The following PEAK1 variants were observed in gnomAD, a reference collection of about 807,000 sequenced individuals.
PEAK1 encodes the protein inactive tyrosine-protein kinase PEAK1.
PEAK1 carries 54 observed loss-of-function variants against 124.7 expected under a neutral mutation model. That is an observed-to-expected ratio of 0.43 (90% confidence interval 0.35 to 0.54). The LOEUF is 0.54. Ranked by LOEUF, PEAK1 falls within the 20% of genes least tolerant of loss-of-function variation. The pLI is 0.01. For synonymous variants in PEAK1, 719 were observed against 760.0 expected (o/e 0.95, Z 0.89); for missense variants, 2,046 against 2,134.5 (o/e 0.96, Z 0.82).
chr15:77,180,893 T>C lies in PEAK1; in HGVS notation c.1034A>G (p.Asp345Gly), dbSNP rs374533055. The C allele has an allele frequency of 7.9e-5, 127 of 1,613,948 alleles. No homozygotes were observed. The highest frequency in any genetic ancestry group is 1.1e-4 in the Non-Finnish European group (125 of 1,180,006). The change falls in exon 7 of 10, where the codon GAT (aspartate) becomes GGT (glycine). Residue 345 changes from aspartate (D) to glycine (G), a missense_variant. Physicochemically the swap from Asp to Gly is moderately conservative, Grantham distance 94 (BLOSUM62 -1). Coordinates refer to ENST00000682557, the MANE Select transcript of PEAK1 (RefSeq NM_001385026.1). ...SMVSSDSTSP[D>G]SSLTEESRSE... ...ACGTGATTCTTCTGTTAAAGAAGAA[T>C]CTGGTGATGTGGAGTCAGATGACAC...
intron 1 of PEAK1, among the ~76,000 whole-genome samples, chr15:77,419,783 C>G (rs984318450): frequency 1.3e-5 from 2 of 148,590 alleles, no homozygotes; most frequent in South Asian, 4.2e-4. Context: ...ACCGGCGGGG[C>G]GCGGGGGTGG....
intron 6 of PEAK1, among the ~76,000 whole-genome samples, chr15:77,183,858 C>T (rs1338356870): frequency 6.6e-6 from 1 of 152,048 alleles, no homozygotes; most frequent in Non-Finnish European, 1.5e-5. Context: ...GACAGGATCT[C>T]ACTCTGTCAC....
At chr15:77,197,889 C>T (rs2058184699) in intron 6 of PEAK1, among the ~76,000 whole-genome samples, 1 of 151,732 alleles carries the variant, frequency 6.6e-6, no homozygotes, top group African/African-American at 2.4e-5. Context: ...TGATTTGTGA[C>T]AATTTGATAA....
At chr15:77,337,560 C>T (rs1410872498) in intron 2 of PEAK1, 3 of 984,872 alleles carry the variant, frequency 3.0e-6, no homozygotes, top group Middle Eastern at 5.2e-4. Flanking sequence ...GGCAGAGATT[C>T]CACACCAACA....
intron 6 of PEAK1, among the ~76,000 whole-genome samples, chr15:77,206,603 T>C (rs914783003): frequency 4.1e-4 from 62 of 151,912 alleles, no homozygotes; most frequent in African/African-American, 1.2e-3. Context: ...TTTCATGTGT[T>C]TTTTGGCTGC....
At chr15:77,249,437 C>T (rs2060742951) in intron 6 of PEAK1, among the ~76,000 whole-genome samples, 1 of 152,136 alleles carries the variant, frequency 6.6e-6, no homozygotes, top group Non-Finnish European at 1.5e-5. Context: ...TGATAGTTCA[C>T]ACCATTAAAA....
At chr15:77,407,035 T>C (rs1267676003) in intron 1 of PEAK1, among the ~76,000 whole-genome samples, 1 of 152,128 alleles carries the variant, frequency 6.6e-6, no homozygotes, top group African/African-American at 2.4e-5. Context: ...GGATACCCTA[T>C]TCAACAAATG....
chr15:77,342,456 G>C (rs2066605749), intron 2 of PEAK1, among the ~76,000 whole-genome samples: 1 of 147,856 alleles, frequency 6.8e-6, no homozygotes, highest in African/African-American at 2.5e-5. Context: ...ACCTAGGCTG[G>C]AATGCAGTGA....
chr15:77,394,994 T>C (rs928486781), intron 1 of PEAK1, among the ~76,000 whole-genome samples: 1 of 152,166 alleles, frequency 6.6e-6, no homozygotes, highest in Admixed American at 6.5e-5. Context: ...TATGTACCCA[T>C]AAAAATTAAG....
chr15:77,243,537 T>C (rs1434151862), intron 6 of PEAK1, among the ~76,000 whole-genome samples: 1 of 152,220 alleles, frequency 6.6e-6, no homozygotes, highest in African/African-American at 2.4e-5. Flanking sequence ...GTTATTTTTA[T>C]GGAAAAACAA....
At chr15:77,403,807 T>C in intron 1 of PEAK1, 1 of 981,046 alleles carries the variant, frequency 1.0e-6, no homozygotes, top group Non-Finnish European at 1.2e-6. Context: ...AAAAAAAGCT[T>C]ATTCAATTCT....
At chr15:77,396,657 A>G (rs2070911339) in intron 1 of PEAK1, among the ~76,000 whole-genome samples, 2 of 152,174 alleles carry the variant, frequency 1.3e-5, no homozygotes, top group Non-Finnish European at 2.9e-5. Context: ...ATAGATTTCA[A>G]GACAAAAACT....
intron 1 of PEAK1, among the ~76,000 whole-genome samples, chr15:77,396,729 T>C (rs2070917925): frequency 6.6e-6 from 1 of 152,056 alleles, no homozygotes; most frequent in Non-Finnish European, 1.5e-5. Context: ...GATATAACAA[T>C]TGCAAATATA....
intron 1 of PEAK1, among the ~76,000 whole-genome samples, chr15:77,396,407 GTTAC>G (rs1038459375): frequency 1.4e-4 from 21 of 151,918 alleles, no homozygotes; most frequent in Non-Finnish European, 2.5e-4. Flanking sequence ...GTAGAAGTAA[GTTAC>G]TTACTTATCA....
intron 1 of PEAK1, among the ~76,000 whole-genome samples, chr15:77,379,895 C>T (rs1193726670): frequency 6.6e-6 from 1 of 152,126 alleles, no homozygotes; most frequent in African/African-American, 2.4e-5. Context: ...TGCTGGTTTT[C>T]AATACTTAAT....
intron 9 of PEAK1, among the ~76,000 whole-genome samples, chr15:77,122,148 C>T (rs1407881367): frequency 1.3e-5 from 2 of 152,130 alleles, no homozygotes; most frequent in African/African-American, 4.8e-5. Context: ...ATATATAAAA[C>T]GCTGTGTGGG....
intron 2 of PEAK1, chr15:77,337,890 T>C (rs1215018028): frequency 2.0e-6 from 2 of 985,150 alleles, no homozygotes; most frequent in African/African-American, 3.5e-5. Flanking sequence ...TATTAGTCTG[T>C]TCTCATTAAA....
chr15:77,337,742 T>C (rs970694561), intron 2 of PEAK1: 2 of 985,210 alleles, frequency 2.0e-6, no homozygotes, highest in Non-Finnish European at 2.4e-6. Context: ...ATAGTGTCAC[T>C]AGAAGAAGAG....
chr15:77,420,430 C>A (rs1360197419), upstream of PEAK1: 1 of 154,180 alleles, frequency 6.5e-6, no homozygotes, highest in African/African-American at 2.4e-5. Flanking sequence ...GCGGGGCTGC[C>A]GAGACCTTGG....
Sources: allele counts gnomAD v4.1 joint callset (sites outside exome capture counted in the v4.1 genomes callset), GRCh38; gene constraint gnomAD v4.1.1; transcripts MANE v1.5; gene names NCBI Gene and HGNC (gene_info 2026-07-23, HGNC 2026-07-21).